Variants in MGMT observed in about 807,000 individuals in gnomAD.
MGMT encodes O-6-methylguanine-DNA methyltransferase, also known as methylated-DNA--protein-cysteine methyltransferase.
In MGMT, 14 loss-of-function variants were observed where a neutral mutation model predicts 15.9. That is an observed-to-expected ratio of 0.88 (90% CI 0.58 to 1.37). The LOEUF (loss-of-function observed/expected upper bound fraction) is 1.37, where lower values mean the gene tolerates loss of function less well. MGMT is among the 40% of genes most tolerant of loss of function. The pLI, the probability that MGMT is intolerant of heterozygous loss-of-function variation, is 0.00. For missense variants in MGMT, 282 were observed against 268.1 expected (o/e 1.05, Z -0.36); for synonymous variants, 130 against 118.2 (o/e 1.10, Z -0.65).
Position 129,601,420 on chromosome 10 carries a change from A to G in MGMT, c.125+65043A>G, listed in dbSNP as rs550984624. Among the ~76,000 whole-genome samples the G allele has an allele frequency of 2.6e-5, 4 of 152,302 alleles. No homozygotes were observed. In the East Asian group the frequency reaches 7.7e-4, roughly 29 times the overall value. On this transcript the variant is annotated intron_variant, in intron 2 of 4. Coordinates refer to ENST00000651593, the MANE Select transcript of MGMT (RefSeq NM_002412.5). ...TGGCCACTTCATTCTCCTTTGGCTT[A>G]AGGGGTTCTAAGCCATGGGGCAGAC...
At chr10:129,525,355 T>A (rs755976495) in intron 1 of MGMT, among the ~76,000 whole-genome samples, 21 of 152,212 alleles carry the variant, frequency 1.4e-4, no homozygotes, top group Non-Finnish European at 3.1e-4. Flanking sequence ...AAATGGGTGA[T>A]TTAAAGACCA....
At position 129,593,879 on chromosome 10, in the gene MGMT, G is replaced by C. The variant is rs570681963; in HGVS notation, c.125+57502G>C. 1.8e-4 allele frequency among the ~76,000 whole-genome samples: 27 copies of C among 152,356 alleles called. No individual in the cohort carries two copies. The East Asian group carries it at 5.2e-3, about 29-fold the overall frequency. The stretch of plus-strand genomic sequence containing the variant: ...TCCAGGTGAGGGGAGGCAAATGTCG[G>C]CAGAGAAGGTGGGAGCAGAGGAGGA... On this transcript the variant is annotated intron_variant, in intron 2 of 4. Transcript: ENST00000651593.
intron 2 of MGMT, among the ~76,000 whole-genome samples, chr10:129,688,621 A>G (rs191847980): frequency 1.3e-5 from 2 of 151,884 alleles, no homozygotes; most frequent in African/African-American, 4.8e-5. Context: ...GATTGCAAAA[A>G]TTTTCTCCCA....
chr10:129,746,622 G>T (rs1292898736), intron 3 of MGMT, among the ~76,000 whole-genome samples: 2 of 152,042 alleles, frequency 1.3e-5, no homozygotes, highest in South Asian at 4.1e-4. Context: ...ACATTTGGTC[G>T]TGCTTCAGTA....
At chr10:129,561,093 C>T (rs1156864077) in intron 2 of MGMT, among the ~76,000 whole-genome samples, 1 of 151,970 alleles carries the variant, frequency 6.6e-6, no homozygotes, top group Non-Finnish European at 1.5e-5. Flanking sequence ...GGGAAGGTGC[C>T]CTTTCACCCT....
At chr10:129,691,000 T>C (rs1329201860) in intron 2 of MGMT, among the ~76,000 whole-genome samples, 3 of 152,182 alleles carry the variant, frequency 2.0e-5, no homozygotes, top group Non-Finnish European at 2.9e-5. Flanking sequence ...GAGGCCAGTT[T>C]AGAGGCTCTG....
At chr10:129,729,228 G>A (rs561292286) in intron 3 of MGMT, among the ~76,000 whole-genome samples, 20 of 152,256 alleles carry the variant, frequency 1.3e-4, no homozygotes, top group African/African-American at 3.6e-4. Context: ...TTCGTGCCTC[G>A]TGTGAAAAAC....
Position 129,769,318 on chromosome 10 carries a change from G to A in MGMT, c.*2321G>A, listed in dbSNP as rs570732327. The A allele has an allele frequency of 1.7e-4, 26 of 152,344 alleles. No individual in the cohort carries two copies. The highest frequency in any genetic ancestry group is 1.2e-3 in the Admixed American group (19 of 15,304). 9.4% of individuals were successfully genotyped at this position (152,344 alleles called of 1,614,324 possible). Reference sequence around the variant, plus strand: ...AGGCCGACATGAAAAGCCAGCACGCGGGTCGCCTAGAGCCGCTCTGCCTCC... The same window carrying A: ...AGGCCGACATGAAAAGCCAGCACGCAGGTCGCCTAGAGCCGCTCTGCCTCC... On this transcript the variant is annotated 3_prime_UTR_variant, in exon 5 of 5. Coordinates refer to ENST00000651593, the MANE Select transcript of MGMT (RefSeq NM_002412.5).
At chr10:129,574,621 C>A (rs1846458040) in intron 2 of MGMT, among the ~76,000 whole-genome samples, 1 of 152,082 alleles carries the variant, frequency 6.6e-6, no homozygotes. Context: ...CTCTGCCACC[C>A]CTCGAGCTGT....
chr10:129,667,888 G>A (rs904015007), intron 2 of MGMT, among the ~76,000 whole-genome samples: 4 of 152,288 alleles, frequency 2.6e-5, no homozygotes, highest in Admixed American at 6.5e-5. Context: ...TTTGCCATTT[G>A]TATTTGCTCT....
chr10:129,682,596 CATA>C (rs1484811479), intron 2 of MGMT, among the ~76,000 whole-genome samples: 7 of 151,974 alleles, frequency 4.6e-5, no homozygotes, highest in Non-Finnish European at 2.9e-5. Context: ...CATTTTAAAA[CATA>C]ATTTTTAAAA....
At chr10:129,544,148 C>G (rs551349895) in intron 2 of MGMT, among the ~76,000 whole-genome samples, 1 of 152,222 alleles carries the variant, frequency 6.6e-6, no homozygotes, top group Non-Finnish European at 1.5e-5. Flanking sequence ...TCATGCCCCT[C>G]TCTCCTTTAT....
Position 129,766,742 on chromosome 10 carries a change from G to A in MGMT, c.415-46G>A, listed in dbSNP as rs55800711. The stretch of plus-strand genomic sequence containing the variant: ...CCTTGGCCTTGACCCCAAAGACCTC[G>A]TTGTCCAGATCCCTGACTGACAGTG... On this transcript the variant is annotated intron_variant, in intron 4 of 4. Transcript: ENST00000651593. The A allele has an allele frequency of 7.7e-6, 12 of 1,558,514 alleles. No homozygotes were observed. In the East Asian group the frequency reaches 1.2e-4, roughly 15 times the overall value.
At chr10:129,605,714 A>G (rs1174070919) in intron 2 of MGMT, among the ~76,000 whole-genome samples, 3 of 152,182 alleles carry the variant, frequency 2.0e-5, no homozygotes, top group Admixed American at 6.5e-5. Flanking sequence ...TCCATCCCAA[A>G]CAGCATTTTA....
chr10:129,704,006 C>T (rs1379353488), intron 2 of MGMT, among the ~76,000 whole-genome samples: 2 of 152,168 alleles, frequency 1.3e-5, no homozygotes, highest in African/African-American at 2.4e-5. Context: ...GGCTAACCCT[C>T]ACTGCACAGG....
At chr10:129,645,713 A>G (rs111977301) in intron 2 of MGMT, among the ~76,000 whole-genome samples, 7,516 of 152,238 alleles carry the variant, frequency 0.049, 219 homozygotes, top group Middle Eastern at 0.088. Context: ...TCCCCCTGCC[A>G]CTTCTTGTGG....
At chr10:129,547,816 C>G (rs1846113563) in intron 2 of MGMT, among the ~76,000 whole-genome samples, 2 of 152,218 alleles carry the variant, frequency 1.3e-5, no homozygotes, top group African/African-American at 2.4e-5. Context: ...TGAAGCAAGC[C>G]TTCTGCTCAT....
chr10:129,580,233 G>A (rs376310270), intron 2 of MGMT, among the ~76,000 whole-genome samples: 9 of 152,294 alleles, frequency 5.9e-5, no homozygotes, highest in South Asian at 4.1e-4. Context: ...GCGGGACTGC[G>A]CAGGATCAGG....
intron 2 of MGMT, among the ~76,000 whole-genome samples, chr10:129,698,028 G>A (rs894659906): frequency 6.6e-6 from 1 of 152,180 alleles, no homozygotes; most frequent in Non-Finnish European, 1.5e-5. Context: ...GGACGTGGAC[G>A]TTGACTCTCC....
Sources: gnomAD v4.1 joint callset for allele counts (sites outside exome capture counted in the v4.1 genomes callset) on GRCh38, gnomAD v4.1.1 for gene constraint, MANE v1.5 for transcripts, NCBI Gene and HGNC (gene_info 2026-07-23, HGNC 2026-07-21) for gene names.